PTPRU: variants seen among roughly 807,000 people sequenced by gnomAD.
The protein encoded by PTPRU is receptor-type tyrosine-protein phosphatase U.
In PTPRU, 69 loss-of-function variants were observed where a neutral mutation model predicts 166.3. That is an observed-to-expected ratio of 0.41 (90% CI 0.34 to 0.51). The LOEUF is 0.51. Ranked by LOEUF, PTPRU falls within the 20% of genes least tolerant of loss-of-function variation. PTPRU has a pLI of 0.09. For missense variants in PTPRU, 1,657 were observed against 2,013.7 expected, an observed-to-expected ratio of 0.82 and a Z score of 3.39; for synonymous variants, 793 against 814.0, an observed-to-expected ratio of 0.97 and a Z score of 0.44.
intron 15 of PTPRU, among the ~76,000 whole-genome samples, chr1:29,293,297 G>C (rs150845068): frequency 0.026 from 3,911 of 151,784 alleles, 69 homozygotes; most frequent in South Asian, 0.076. Flanking sequence ...ATTTTTAGTA[G>C]AGACAGGGTT....
chr1:29,295,827 C>T (rs1686858576), intron 15 of PTPRU, among the ~76,000 whole-genome samples: 1 of 152,086 alleles, frequency 6.6e-6, no homozygotes, highest in African/African-American at 2.4e-5. Context: ...GCTGGGACTA[C>T]AGACGTGCGC....
chr1:29,304,446 C>G (rs1053392743), intron 16 of PTPRU, among the ~76,000 whole-genome samples: 1 of 152,156 alleles, frequency 6.6e-6, no homozygotes, highest in South Asian at 2.1e-4. Context: ...CTGACATCAC[C>G]CTTATCCTAA....
At chr1:29,240,774 T>C (rs1410411931) in intron 1 of PTPRU, among the ~76,000 whole-genome samples, 1 of 149,316 alleles carries the variant, frequency 6.7e-6, no homozygotes, top group Non-Finnish European at 1.5e-5. Flanking sequence ...CAACGGTCTG[T>C]GTGAGTGGCT....
In PTPRU at chr1:29,312,673, C is replaced by T. The variant is rs569729029; in HGVS notation, c.3194C>T (p.Pro1065Leu). Residue 1065 changes from proline (P) to leucine (L), a missense_variant, in exon 22 of 30, where the codon CCA (proline) becomes CTA (leucine). By Grantham distance (98) the Pro-to-Leu change is moderately conservative. Coordinates refer to ENST00000373779, the MANE Select transcript of PTPRU (RefSeq NM_133178.4). ...ATCCGGCGCGTGAAGGCCTCCACCC[C>T]ACCTGATGCCGGGCCCATTGTCATC... ...AFIRRVKAST[P>L]PDAGPIVIHC... 1.9e-6 allele frequency: 3 copies of T among 1,609,980 alleles called. No homozygotes were observed. The Admixed American group carries it at 5.0e-5, about 27-fold the overall frequency.
rs1316316599 is a variant in PTPRU at position 29,312,625 on chromosome 1, A to C, written c.3146A>C (p.His1049Pro). 2 of 1,611,530 alleles carry C rather than the reference A, an allele frequency of 1.2e-6. No homozygotes were observed. Among genetic ancestry groups the C allele is most frequent in the Admixed American group, 1.7e-5 (1 of 59,990 alleles). Residue 1049 changes from histidine (H) to proline (P), a missense_variant, in exon 22 of 30, where the codon CAT becomes CCT. By Grantham distance (77) the His-to-Pro change is moderately conservative. Transcript: ENST00000373779. The stretch of plus-strand genomic sequence containing the variant: ...TGGCCAGAGCATGGCGTCCCCTACC[A>C]TGCCACGGGGCTGCTGGCTTTCATC... The part of the protein sequence containing the change: ...TAWPEHGVPY[H>P]ATGLLAFIRR...
At chr1:29,307,269 T>G in intron 18 of PTPRU, 1 of 1,317,136 alleles carries the variant, frequency 7.6e-7, no homozygotes, top group African/African-American at 1.5e-5. Context: ...TCCTTTCTAC[T>G]TATGTGCCCA....
rs1409040942 is a variant in PTPRU at position 29,260,709 on chromosome 1, T to C, written c.950T>C (p.Ile317Thr). The C allele has an allele frequency of 6.3e-7, 1 of 1,595,016 alleles. No homozygotes were observed. Among genetic ancestry groups the C allele is most frequent in the South Asian group, 1.1e-5 (1 of 89,208 alleles). ...NTNSIIGDGP[I>T]VRKEIEYRMA... ...AACTCCATCATTGGCGACGGGCCGA[T>C]CGTGCGCAAGGAGATTGAGTACCGC... Residue 317 changes from isoleucine to threonine, a missense_variant, in exon 7 of 30, where the codon ATC (isoleucine) becomes ACC (threonine). Ile to Thr is a moderately conservative substitution (Grantham distance 89). Transcript: ENST00000373779. This position sits in a 1 kb window ranked among gnomAD's most constrained non-coding sequence, Gnocchi z 8.3.
intron 14 of PTPRU, among the ~76,000 whole-genome samples, chr1:29,288,641 C>T (rs549739021): frequency 6.6e-6 from 1 of 152,272 alleles, no homozygotes; most frequent in Admixed American, 6.5e-5. Flanking sequence ...CGCTCTCCTC[C>T]CCTTCATCTG....
Position 29,260,135 on chromosome 1 carries a change from T to TGGCGGG in PTPRU, c.850+93_850+94insCGGGGG. 29 of 434,804 alleles carry TGGCGGG rather than the reference T, an allele frequency of 6.7e-5. No individual in the cohort carries two copies. Among genetic ancestry groups the TGGCGGG allele is most frequent in the East Asian group, 1.6e-4 (2 of 12,458 alleles). 26.9% of individuals were successfully genotyped at this position (434,804 alleles called of 1,614,324 possible). The stretch of plus-strand genomic sequence containing the variant: ...CGGGCTCTGCCCGGGGGCGTGGCCG[T>TGGCGGG]GGGGGGTGGGGCCGGCAGGGTGTCG... On this transcript the variant is annotated intron_variant, in intron 6 of 29. Coordinates refer to ENST00000373779, the MANE Select transcript of PTPRU (RefSeq NM_133178.4). This position sits in a 1 kb window ranked among gnomAD's most constrained non-coding sequence, Gnocchi z 8.3.
chr1:29,259,801 C>T (rs2151945210), intron 5 of PTPRU, 69 bp from the exon 6 acceptor site: 3 of 1,450,734 alleles, frequency 2.1e-6, no homozygotes, highest in Non-Finnish European at 2.7e-6. Context: ...TAAATGGGGC[C>T]CGGGTCAGAG....
intron 1 of PTPRU, among the ~76,000 whole-genome samples, chr1:29,253,511 C>G (rs1684644176): frequency 6.6e-6 from 1 of 151,826 alleles, no homozygotes; most frequent in Non-Finnish European, 1.5e-5. Flanking sequence ...GTTTCTGAGG[C>G]CTAAAGTGTC....
In PTPRU at chr1:29,236,946, G is replaced by A. The variant is rs1051517186; in HGVS notation, c.73+229G>A. 1.3e-5 allele frequency among the ~76,000 whole-genome samples: 2 copies of A among 152,158 alleles called. No individual in the cohort carries two copies. Among genetic ancestry groups the A allele is most frequent in the Admixed American group, 1.3e-4 (2 of 15,278 alleles). ...GGTGATGTGTGTCGGCGAGTATGTT[G>A]GGGGTGAATGTTGTGTGCATCGAGG... is the stretch of plus-strand genomic sequence containing the variant. On this transcript the variant is annotated intron_variant, in intron 1 of 29. Coordinates refer to ENST00000373779, the MANE Select transcript of PTPRU (RefSeq NM_133178.4). The surrounding 1 kb of genome is among the most constrained non-coding windows in gnomAD (Gnocchi z 4.6).
chr1:29,248,052 A>C (rs1684376809), intron 1 of PTPRU, among the ~76,000 whole-genome samples: 1 of 152,112 alleles, frequency 6.6e-6, no homozygotes, highest in South Asian at 2.1e-4. Flanking sequence ...GGTCTAGATG[A>C]GTTGACTTGG....
At chr1:29,299,405 G>T (rs762871206) in intron 15 of PTPRU, among the ~76,000 whole-genome samples, 1 of 152,210 alleles carries the variant, frequency 6.6e-6, no homozygotes, top group African/African-American at 2.4e-5. Flanking sequence ...GTCCCACAGG[G>T]GAACTCATAG....
chr1:29,325,972 T>C lies in PTPRU; in HGVS notation c.*311T>C, dbSNP rs1433852919. 1.1e-5 allele frequency: 5 copies of C among 442,354 alleles called. No homozygotes were observed. Among genetic ancestry groups the C allele is most frequent in the Non-Finnish European group, 2.0e-5 (5 of 254,656 alleles). 27.4% of individuals were successfully genotyped at this position (442,354 alleles called of 1,614,324 possible). On this transcript the variant is annotated 3_prime_UTR_variant, in exon 30 of 30. Transcript: ENST00000373779. ...GTGACAAAGGCTCAGGACGGCTGGC[T>C]CTGGGGGACTCAGGCCAAGCCCCTT...
At chr1:29,302,145 A>ATG (rs1345978784) in intron 15 of PTPRU, among the ~76,000 whole-genome samples, 50 of 138,596 alleles carry the variant, frequency 3.6e-4, no homozygotes, top group African/African-American at 9.5e-4. Flanking sequence ...GCCTAGGCTA[A>ATG]TGTGTATGTG....
chr1:29,272,906 CAAAAAA>C (rs57076551), intron 7 of PTPRU, among the ~76,000 whole-genome samples: 5 of 54,662 alleles, frequency 9.1e-5, no homozygotes, highest in African/African-American at 3.4e-4. Context: ...GACCTTGTCT[CAAAAAA>C]AAAAAAAAAA....
At chr1:29,255,887 A>G (rs1684754421) in intron 2 of PTPRU, among the ~76,000 whole-genome samples, 1 of 152,110 alleles carries the variant, frequency 6.6e-6, no homozygotes, top group African/African-American at 2.4e-5. Flanking sequence ...CTCGACTTCT[A>G]CCTTGCTGTG....
rs74901958 is a variant in PTPRU at position 29,322,014 on chromosome 1, G to T, written c.3828+1189G>T. On this transcript the variant is annotated intron_variant, in intron 26 of 29. Coordinates refer to ENST00000373779, the MANE Select transcript of PTPRU (RefSeq NM_133178.4). The stretch of plus-strand genomic sequence containing the variant: ...TCTGCTGGGCCCAGGGGGCTAGGAA[G>T]ATTTGCTGTAAAATGAGTACAACAG... Among the ~76,000 whole-genome samples the T allele has an allele frequency of 2.0e-3, 303 of 152,376 alleles. 14 individuals are homozygous for T. The East Asian group carries it at 0.052, about 26-fold the overall frequency.
Sources: gnomAD v4.1 joint callset for allele counts (sites outside exome capture counted in the v4.1 genomes callset) on GRCh38, gnomAD v4.1.1 for gene constraint, Gnocchi (gnomAD v3.1) non-coding constraint, MANE v1.5 for transcripts, NCBI Gene and HGNC (gene_info 2026-07-23, HGNC 2026-07-21) for gene names.